CNBD2: variants seen among roughly 807,000 people sequenced by gnomAD.
CNBD2 encodes the protein cyclic nucleotide-binding domain-containing protein 2.
In CNBD2, 64 loss-of-function variants were observed where a neutral mutation model predicts 63.7. The observed-to-expected ratio is 1.00, with a 90% CI of 0.82 to 1.24. The LOEUF (loss-of-function observed/expected upper bound fraction) is 1.24. Among genes scored for constraint, CNBD2 ranks in the 50% most tolerant of loss-of-function variants. The pLI, the probability that CNBD2 is intolerant of heterozygous loss-of-function variation, is 0.00. For missense variants in CNBD2, 691 were observed against 713.5 expected, an observed-to-expected ratio of 0.97 and a Z score of 0.36; for synonymous variants, 229 against 255.4, an observed-to-expected ratio of 0.90 and a Z score of 0.99.
intron 10 of CNBD2, among the ~76,000 whole-genome samples, chr20:36,014,482 G>A (rs2057108487): frequency 6.6e-6 from 1 of 151,170 alleles, no homozygotes; most frequent in Non-Finnish European, 1.5e-5. Flanking sequence ...GGCACACGCC[G>A]CCATGCCTGA....
chr20:35,997,780 G>A (rs2056844654), intron 8 of CNBD2, among the ~76,000 whole-genome samples: 1 of 152,162 alleles, frequency 6.6e-6, no homozygotes, highest in African/African-American at 2.4e-5. Context: ...GTATGCATGA[G>A]GCCTTATAAG....
chr20:36,022,195 C>CTTTTTCTTT lies in CNBD2; in HGVS notation c.1270-1402_1270-1401insCTTTTTTTT, dbSNP rs1230527853. Reference sequence around the variant, plus strand: ...ATGCCCGGCTAATTCTTTTTTTTTTCTTTTTTTTTTTTTTTTTTTTTTGAG... The same window carrying CTTTTTCTTT: ...ATGCCCGGCTAATTCTTTTTTTTTTCTTTTTCTTTTTTTTTTTTTTTTTTTTTTTTTGAG... On this transcript the variant is annotated intron_variant, in intron 10 of 11. Transcript: ENST00000373973. Among the ~76,000 whole-genome samples, 15 of 56,264 alleles carry CTTTTTCTTT rather than the reference C, an allele frequency of 2.7e-4. 1 individual carries two copies. Among genetic ancestry groups the CTTTTTCTTT allele is most frequent in the African/African-American group, 1.0e-3 (13 of 12,692 alleles). The allele number at this position is 56,264 out of a possible 152,430, so 36.9% of individuals were successfully genotyped here.
At chr20:36,000,600 C>T (rs974526435) in intron 8 of CNBD2, among the ~76,000 whole-genome samples, 1 of 152,062 alleles carries the variant, frequency 6.6e-6, no homozygotes, top group Admixed American at 6.6e-5. Flanking sequence ...GCTCTTGTCA[C>T]CCAGGCTGGA....
At chr20:35,956,663 G>T (rs1439718393), downstream of CNBD2, among the ~76,000 whole-genome samples, 1 of 152,150 alleles carries the variant, frequency 6.6e-6, no homozygotes, top group Non-Finnish European at 1.5e-5. Context: ...CTCAGTAGTT[G>T]GGTTTGCTGC....
chr20:35,978,644 C>T (rs1241851900), intron 3 of CNBD2, among the ~76,000 whole-genome samples: 2 of 152,016 alleles, frequency 1.3e-5, no homozygotes, highest in African/African-American at 2.4e-5. Flanking sequence ...GTGCCCGGCC[C>T]AATGCCCAGC....
chr20:35,991,327 A>G (rs1320370994), intron 7 of CNBD2, among the ~76,000 whole-genome samples: 1 of 152,252 alleles, frequency 6.6e-6, no homozygotes, highest in Non-Finnish European at 1.5e-5. Context: ...GTTTATATGC[A>G]GGCATATGTT....
chr20:35,977,238 G>A (rs898174610), intron 3 of CNBD2, among the ~76,000 whole-genome samples: 2 of 152,212 alleles, frequency 1.3e-5, no homozygotes, highest in Non-Finnish European at 2.9e-5. Context: ...CCTATAGGTG[G>A]TCCTCAAATG....
intron 1 of CNBD2, among the ~76,000 whole-genome samples, chr20:35,969,082 G>C (rs6060729): frequency 0.27 from 40,471 of 151,958 alleles, 6,514 homozygotes; most frequent in African/African-American, 0.46. Flanking sequence ...GAGAACGAGG[G>C]AGGATAGAGT....
downstream of CNBD2, chr20:35,957,651 T>C (rs995078020): frequency 2.6e-5 from 4 of 152,238 alleles, no homozygotes; most frequent in African/African-American, 9.6e-5. Flanking sequence ...CATATATCCT[T>C]GAACCCTCCC....
At chr20:36,008,500 C>T (rs565786615) in intron 9 of CNBD2, 26 bp downstream of exon 9, 46 of 1,587,536 alleles carry the variant, frequency 2.9e-5, no homozygotes, top group East Asian at 2.5e-4. Context: ...GGCAGATAGA[C>T]GGGTCCAGAT....
intron 2 of CNBD2, among the ~76,000 whole-genome samples, chr20:35,962,927 G>A (rs1568840714): frequency 6.6e-6 from 1 of 152,174 alleles, no homozygotes; most frequent in African/African-American, 2.4e-5. Flanking sequence ...CTCTGGAACG[G>A]TTGAAGAAAC....
intron 7 of CNBD2, among the ~76,000 whole-genome samples, chr20:35,988,327 TGGCTA>T (rs2056697036): frequency 6.6e-6 from 1 of 152,038 alleles, no homozygotes; most frequent in African/African-American, 2.4e-5. Flanking sequence ...CCACCATGCC[TGGCTA>T]ATTTTTTTTT....
rs571562114 is a variant in CNBD2 at position 36,030,536 on chromosome 20, C to T, written c.1619C>T (p.Thr540Met). 54 of 1,614,120 alleles carry T rather than the reference C, an allele frequency of 3.3e-5. No homozygotes were observed. The highest frequency in any genetic ancestry group is 8.9e-5 in the East Asian group (4 of 44,886). The change falls in exon 12 of 12, where the codon ACG becomes ATG. Residue 540 changes from threonine to methionine, a missense_variant. Coordinates refer to ENST00000373973, the MANE Select transcript of CNBD2 (RefSeq NM_001365709.1). ...CTGGATTTGTGCAGCATCAACAAGA[C>T]GACTAAACCTCGTTATCCTATTTTT... ...VVLDLCSINK[T>M]TKPRYPIFMA... is the part of the protein sequence containing the mutation.
At chr20:36,024,110 C>T (rs1179077155) in intron 11 of CNBD2, among the ~76,000 whole-genome samples, 1 of 152,020 alleles carries the variant, frequency 6.6e-6, no homozygotes, top group Non-Finnish European at 1.5e-5. Flanking sequence ...CTGAGGCAGG[C>T]AGATCACTTG....
At chr20:35,981,748 T>C (rs1386373158) in intron 4 of CNBD2, among the ~76,000 whole-genome samples, 1 of 152,136 alleles carries the variant, frequency 6.6e-6, no homozygotes, top group Non-Finnish European at 1.5e-5. Flanking sequence ...CTTGCCTCTT[T>C]CCTACATTGA....
chr20:35,972,309 T>C (rs1242057772), intron 1 of CNBD2, among the ~76,000 whole-genome samples: 1 of 152,200 alleles, frequency 6.6e-6, no homozygotes, highest in African/African-American at 2.4e-5. Flanking sequence ...GTCGTGCCAC[T>C]TATTTTGTGG....
At position 36,030,408 on chromosome 20, in the gene CNBD2, T is replaced by G; in HGVS notation, c.1491T>G (p.Phe497Leu). ...TCCAGCAGAACAGCTGGAATATCTT[T>G]CGGAAGGACCTGTTGCAGCTGCTCG... ...KFLQQNSWNIFRKDLLQLLVE... is the reference protein window; with the variant it reads ...KFLQQNSWNILRKDLLQLLVE... The change falls in exon 12 of 12, where the codon TTT (phenylalanine) becomes TTG (leucine). Residue 497 changes from phenylalanine (F) to leucine (L), a missense_variant. Physicochemically the swap from Phe to Leu is conservative, Grantham distance 22. Coordinates refer to ENST00000373973, the MANE Select transcript of CNBD2 (RefSeq NM_001365709.1). 6.2e-7 allele frequency: 1 copy of G among 1,614,128 alleles called. No individual in the cohort carries two copies. Among genetic ancestry groups the G allele is most frequent in the Non-Finnish European group, 8.5e-7 (1 of 1,180,020 alleles).
upstream of CNBD2, among the ~76,000 whole-genome samples, chr20:35,966,682 T>TA (rs142778457): frequency 6.2e-3 from 943 of 152,178 alleles, 7 homozygotes; most frequent in Non-Finnish European, 1.0e-2. Flanking sequence ...TAACCAGACT[T>TA]ATGGGACAGT....
intron 4 of CNBD2, 86 bp downstream of exon 4, chr20:35,980,708 C>CA: frequency 7.9e-7 from 1 of 1,271,600 alleles, no homozygotes; most frequent in Non-Finnish European, 1.1e-6. Flanking sequence ...CAGGTCCTGC[C>CA]CACCCCTCTG....
Sources: allele counts gnomAD v4.1 joint callset (sites outside exome capture counted in the v4.1 genomes callset), GRCh38; gene constraint gnomAD v4.1.1; transcripts MANE v1.5; gene names NCBI Gene and HGNC (gene_info 2026-07-23, HGNC 2026-07-21).